MAD1L1: variants seen among roughly 807,000 people sequenced by gnomAD.
The protein encoded by MAD1L1 is mitotic spindle assembly checkpoint protein MAD1.
MAD1L1 carries 95 observed loss-of-function variants against 96.9 expected under a neutral mutation model. That is an observed-to-expected ratio of 0.98 (90% CI 0.83 to 1.16). The LOEUF (loss-of-function observed/expected upper bound fraction) is 1.16, where lower values mean the gene tolerates loss of function less well. Among genes scored for constraint, MAD1L1 ranks in the 50% most tolerant of loss-of-function variants. The pLI is 0.00. For missense variants in MAD1L1, 1,007 were observed against 954.4 expected, an observed-to-expected ratio of 1.06 and a Z score of -0.73; for synonymous variants, 473 against 396.6, an observed-to-expected ratio of 1.19 and a Z score of -2.29.
intron 10 of MAD1L1, among the ~76,000 whole-genome samples, chr7:2,174,067 A>G (rs1018347732): frequency 2.0e-5 from 3 of 152,052 alleles, no homozygotes; most frequent in South Asian, 4.2e-4. Flanking sequence ...TGATCCTCCC[A>G]CCTCAGCCAC....
intron 17 of MAD1L1, among the ~76,000 whole-genome samples, chr7:1,900,492 C>T (rs1787179032): frequency 6.6e-6 from 1 of 152,168 alleles, no homozygotes; most frequent in Admixed American, 6.5e-5. Context: ...ACGGCCCAGC[C>T]CCTCCAGCAG....
chr7:1,855,894 C>T (rs985596999), intron 18 of MAD1L1, among the ~76,000 whole-genome samples: 4 of 152,158 alleles, frequency 2.6e-5, no homozygotes, highest in Non-Finnish European at 5.9e-5. Context: ...GCTGGAACCC[C>T]ACAGACAGGG....
At chr7:1,925,753 T>C (rs541394234) in intron 17 of MAD1L1, among the ~76,000 whole-genome samples, 1 of 152,282 alleles carries the variant, frequency 6.6e-6, no homozygotes, top group South Asian at 2.1e-4. Context: ...AAATACAACA[T>C]TATCAAAATG....
chr7:2,151,319 C>T (rs1324820668), intron 10 of MAD1L1, among the ~76,000 whole-genome samples: 8 of 152,356 alleles, frequency 5.3e-5, no homozygotes, highest in East Asian at 3.9e-4. Context: ...CCAGAACCAG[C>T]GGCAGGTGGG....
intron 10 of MAD1L1, among the ~76,000 whole-genome samples, chr7:2,209,647 G>A (rs180902259): frequency 6.6e-5 from 10 of 152,318 alleles, no homozygotes; most frequent in East Asian, 5.8e-4. Context: ...TCACCAAGGC[G>A]GGGGCACCAC....
chr7:2,007,967 G>A (rs1175619184), intron 13 of MAD1L1, among the ~76,000 whole-genome samples: 1 of 152,246 alleles, frequency 6.6e-6, no homozygotes, highest in Admixed American at 6.5e-5. Context: ...GACAGACACA[G>A]CAACTGCAGG....
intron 12 of MAD1L1, among the ~76,000 whole-genome samples, chr7:2,036,455 C>A (rs1783440426): frequency 6.6e-6 from 1 of 152,230 alleles, no homozygotes; most frequent in African/African-American, 2.4e-5. Flanking sequence ...AGGGTTGGCT[C>A]AGAGTCCTCT....
At chr7:2,107,627 G>C (rs73038477) in intron 11 of MAD1L1, 1 of 152,360 alleles carries the variant, frequency 6.6e-6, no homozygotes, top group Non-Finnish European at 1.5e-5. Flanking sequence ...CCCAGCCCCC[G>C]GCTGCCCTCA....
At chr7:1,977,384 C>T (rs1004620155) in intron 15 of MAD1L1, among the ~76,000 whole-genome samples, 6 of 152,242 alleles carry the variant, frequency 3.9e-5, no homozygotes, top group African/African-American at 7.2e-5. Flanking sequence ...TGCCCGGGGC[C>T]GGCAACGCTG....
rs949285474 is a variant in MAD1L1 at position 1,947,305 on chromosome 7, TGTCCCC to T, written c.1596+10318_1596+10323del. Among the ~76,000 whole-genome samples the T allele has an allele frequency of 3.3e-5, 5 of 152,346 alleles. No individual in the cohort carries two copies. The East Asian group carries it at 5.8e-4, about 18-fold the overall frequency. On this transcript the variant is annotated intron_variant, in intron 16 of 18. Transcript: ENST00000265854. ...GGCAATACTTGGGGAGGGAGGCGCCTGTCCCCGTGTGCCTGACGCGCATGCCGAGAG... is the reference window on the plus strand; with the variant it reads ...GGCAATACTTGGGGAGGGAGGCGCCTGTGTGCCTGACGCGCATGCCGAGAG...
chr7:1,865,515 T>C (rs1583593218), intron 18 of MAD1L1, among the ~76,000 whole-genome samples: 1 of 152,218 alleles, frequency 6.6e-6, no homozygotes, highest in South Asian at 2.1e-4. Flanking sequence ...TAATATTATT[T>C]ACAAGCGCAG....
chr7:1,957,586 G>C (rs888940311), intron 16 of MAD1L1, 43 bp downstream of exon 16: 1 of 1,581,232 alleles, frequency 6.3e-7, no homozygotes, highest in Non-Finnish European at 8.6e-7. Flanking sequence ...AAAGAAATGA[G>C]AGGCCCAGGC....
At chr7:2,229,526 G>C (rs1794086304) in intron 3 of MAD1L1, among the ~76,000 whole-genome samples, 1 of 152,242 alleles carries the variant, frequency 6.6e-6, no homozygotes, top group African/African-American at 2.4e-5. Context: ...TCCACAGTCT[G>C]AGACCACAAA....
At chr7:2,032,819 C>T (rs1470977242) in intron 12 of MAD1L1, among the ~76,000 whole-genome samples, 1 of 152,202 alleles carries the variant, frequency 6.6e-6, no homozygotes, top group Non-Finnish European at 1.5e-5. Flanking sequence ...GAGAGGGAGG[C>T]AGACGTGAGC....
At chr7:2,042,472 T>C (rs938300558) in intron 12 of MAD1L1, among the ~76,000 whole-genome samples, 2 of 152,214 alleles carry the variant, frequency 1.3e-5, no homozygotes, top group African/African-American at 4.8e-5. Flanking sequence ...CACCCAATGA[T>C]GGTATCAACG....
Position 2,222,701 on chromosome 7 carries a change from C to T in MAD1L1, c.345G>A (p.Glu115=), listed in dbSNP as rs748528041. The change falls in exon 5 of 19, where the codon GAG becomes GAA. Residue 115 remains glutamate (E), a synonymous_variant. Transcript: ENST00000265854. ...ELLTRIRQLQ[E]REAGAEEKMQ... ...TCTTCTCCTCCGCCCCGGCCTCCCG[C>T]TCCTGAAGCTGCCGGATGCGCGTCA... 19 of 1,610,942 alleles carry T rather than the reference C, an allele frequency of 1.2e-5. No individual in the cohort carries two copies. In the South Asian group the frequency reaches 1.2e-4, roughly 10 times the overall value.
chr7:1,866,879 G>A (rs1289627333), intron 18 of MAD1L1, among the ~76,000 whole-genome samples: 2 of 152,232 alleles, frequency 1.3e-5, no homozygotes, highest in Non-Finnish European at 2.9e-5. Flanking sequence ...AGCGCTGGCT[G>A]GGCCAGGCTC....
chr7:1,835,368 A>G (rs1166061600), intron 18 of MAD1L1, among the ~76,000 whole-genome samples: 1 of 152,250 alleles, frequency 6.6e-6, no homozygotes, highest in African/African-American at 2.4e-5. Context: ...GGGCAAGTGG[A>G]AGTGCAAGTG....
intron 6 of MAD1L1, 65 bp downstream of exon 6, chr7:2,219,267 G>A (rs1793457194): frequency 1.4e-6 from 2 of 1,444,488 alleles, no homozygotes; most frequent in Admixed American, 2.1e-5. Flanking sequence ...GCCACCAGGA[G>A]AGAGGTGGGA....
Sources: gnomAD v4.1 joint callset for allele counts (sites outside exome capture counted in the v4.1 genomes callset) on GRCh38, gnomAD v4.1.1 for gene constraint, MANE v1.5 for transcripts, NCBI Gene and HGNC (gene_info 2026-07-23, HGNC 2026-07-21) for gene names.